The following GPHN variants were observed in gnomAD, a reference collection of about 807,000 sequenced individuals.
The protein encoded by GPHN is gephyrin.
GPHN carries 17 observed loss-of-function variants against 95.5 expected under a neutral mutation model. The ratio of observed to expected loss-of-function variants is 0.18; its 90% CI spans 0.12 to 0.27. The LOEUF is 0.27. Ranked by LOEUF, GPHN falls within the 10% of genes least tolerant of loss-of-function variation. GPHN has a pLI of 1.00. For synonymous variants in GPHN, 320 were observed against 322.5 expected (o/e 0.99, Z 0.08); for missense variants, 660 against 978.1 (o/e 0.67, Z 4.34).
Position 66,508,267 on chromosome 14 carries a change from C to G in GPHN, c.-261C>G, listed in dbSNP as rs41301477. ...TCTCCCCGTGCGGCCACCGCGCCCC[C>G]CAAGCTTGCCTCCTTCTTGCCGGAC... On this transcript the variant is annotated 5_prime_UTR_variant, in exon 1 of 23. Coordinates refer to ENST00000478722, the MANE Select transcript of GPHN (RefSeq NM_020806.5). The G allele has an allele frequency of 1.0e-4, 58 of 574,266 alleles. No homozygotes were observed. The highest frequency in any genetic ancestry group is 1.6e-4 in the Non-Finnish European group (50 of 321,206). The allele number at this position is 574,266 out of a possible 1,614,324, so 35.6% of individuals were successfully genotyped here.
intron 1 of GPHN, among the ~76,000 whole-genome samples, chr14:66,613,791 G>A (rs1380598646): frequency 6.6e-6 from 1 of 151,968 alleles, no homozygotes; most frequent in Non-Finnish European, 1.5e-5. Context: ...TAATTGATGG[G>A]TTAAATAGCA....
At chr14:67,529,972 T>C in the GPHN span, among the ~76,000 whole-genome samples, 2 of 152,086 alleles carry the variant, frequency 1.3e-5, no homozygotes, top group African/African-American at 4.8e-5. Context: ...TTTGGTGATA[T>C]AGGAGAGGGT....
At chr14:67,445,419 C>T in the GPHN span, among the ~76,000 whole-genome samples, 3 of 151,548 alleles carry the variant, frequency 2.0e-5, no homozygotes, top group Admixed American at 6.6e-5. Flanking sequence ...ACACCCAGTT[C>T]GTGTTGGAGA....
At chr14:67,264,851 CTCAAGTT>C in the GPHN span, among the ~76,000 whole-genome samples, 1 of 152,016 alleles carries the variant, frequency 6.6e-6, no homozygotes, top group Non-Finnish European at 1.5e-5. Flanking sequence ...GCTGTTAAGT[CTCAAGTT>C]TACATCTGAG....
At chr14:66,715,693 A>G (rs1452690749) in intron 2 of GPHN, among the ~76,000 whole-genome samples, 1 of 152,112 alleles carries the variant, frequency 6.6e-6, no homozygotes, top group African/African-American at 2.4e-5. Flanking sequence ...ATTGTAGTTC[A>G]GTTCAAATAA....
intron 9 of GPHN, among the ~76,000 whole-genome samples, chr14:67,020,028 C>T (rs998485460): frequency 3.9e-5 from 6 of 152,132 alleles, no homozygotes; most frequent in African/African-American, 7.2e-5. Context: ...GATGGTTATA[C>T]ATTATGCATG....
chr14:66,847,222 C>T (rs377381370), intron 4 of GPHN, among the ~76,000 whole-genome samples: 8 of 152,152 alleles, frequency 5.3e-5, no homozygotes, highest in African/African-American at 1.9e-4. Flanking sequence ...AAAAGCACAA[C>T]AATAGAAATT....
intron 9 of GPHN, among the ~76,000 whole-genome samples, chr14:67,005,601 A>C (rs2072547889): frequency 7.0e-6 from 1 of 142,472 alleles, no homozygotes; most frequent in East Asian, 2.1e-4. Context: ...CTTCTTTTTA[A>C]CTTAAATATT....
Position 67,080,469 on chromosome 14 carries a change from C to CA in GPHN, c.1145-8505dup, listed in dbSNP as rs111667410. Among the ~76,000 whole-genome samples the CA allele has an allele frequency of 4.5e-4, 67 of 150,482 alleles. No individual in the cohort carries two copies. In the East Asian group the frequency reaches 0.012, roughly 26 times the overall value. On this transcript the variant is annotated intron_variant, in intron 11 of 22. Coordinates refer to ENST00000478722, the MANE Select transcript of GPHN (RefSeq NM_020806.5). ...TGCCTATGTTTTTGGTGTCATATCC[C>CA]AAAAAAAAATCATTGCCACATTGAA...
chr14:67,203,382 C>T, the GPHN span: 18 of 1,101,900 alleles, frequency 1.6e-5, no homozygotes, highest in East Asian at 1.1e-4. Context: ...ATGACAATTG[C>T]GCCAGTGGAG....
intron 10 of GPHN, among the ~76,000 whole-genome samples, chr14:67,052,006 C>G (rs970665055): frequency 6.6e-6 from 1 of 152,218 alleles, no homozygotes; most frequent in Non-Finnish European, 1.5e-5. Context: ...ACTACAAACA[C>G]ACACTAAAGT....
the GPHN span, among the ~76,000 whole-genome samples, chr14:67,283,375 T>C: frequency 6.6e-6 from 1 of 152,212 alleles, no homozygotes; most frequent in Non-Finnish European, 1.5e-5. Context: ...TGACTTTTGA[T>C]TGATCATGGG....
chr14:67,606,788 A>G, the GPHN span, among the ~76,000 whole-genome samples: 1 of 152,270 alleles, frequency 6.6e-6, no homozygotes, highest in Non-Finnish European at 1.5e-5. Flanking sequence ...CTGGGACTAC[A>G]GGCACGTGCC....
At chr14:67,080,103 G>A (rs2076631824) in intron 11 of GPHN, among the ~76,000 whole-genome samples, 1 of 152,018 alleles carries the variant, frequency 6.6e-6, no homozygotes, top group South Asian at 2.1e-4. Flanking sequence ...TTTGATGGTA[G>A]CTATCCTAAT....
the GPHN span, among the ~76,000 whole-genome samples, chr14:67,483,480 G>A: frequency 6.6e-6 from 1 of 152,176 alleles, no homozygotes; most frequent in Non-Finnish European, 1.5e-5. Flanking sequence ...AGGCTGGGAT[G>A]GTATGTGGAG....
At chr14:67,468,924 A>T in the GPHN span, among the ~76,000 whole-genome samples, 1 of 151,858 alleles carries the variant, frequency 6.6e-6, no homozygotes, top group Non-Finnish European at 1.5e-5. Flanking sequence ...TTTTTTAAAA[A>T]AAAAAGGGTC....
At chr14:67,062,137 TA>T (rs1365413906) in intron 11 of GPHN, among the ~76,000 whole-genome samples, 51 of 152,302 alleles carry the variant, frequency 3.3e-4, no homozygotes, top group Non-Finnish European at 5.9e-5. Flanking sequence ...TGAATTGTCA[TA>T]AGTAAAATAA....
At chr14:66,536,324 G>T (rs1450412848) in intron 1 of GPHN, among the ~76,000 whole-genome samples, 1 of 152,062 alleles carries the variant, frequency 6.6e-6, no homozygotes, top group Non-Finnish European at 1.5e-5. Flanking sequence ...AAATCATATG[G>T]TTGTATCCTT....
intron 1 of GPHN, among the ~76,000 whole-genome samples, chr14:66,551,703 G>T (rs2059817996): frequency 6.6e-6 from 1 of 152,230 alleles, no homozygotes; most frequent in African/African-American, 2.4e-5. Flanking sequence ...AGCTGGTGAG[G>T]CTTCAGGAAA....
Sources: gnomAD v4.1 joint callset for allele counts (sites outside exome capture counted in the v4.1 genomes callset) on GRCh38, gnomAD v4.1.1 for gene constraint, MANE v1.5 for transcripts, NCBI Gene and HGNC (gene_info 2026-07-23, HGNC 2026-07-21) for gene names.